The following LRCH1 variants were observed in gnomAD, a reference collection of about 807,000 sequenced individuals.
LRCH1 encodes leucine rich repeats and calponin homology domain containing 1.
A neutral mutation model predicts 94.9 loss-of-function variants in LRCH1; 23 were observed. The ratio of observed to expected loss-of-function variants is 0.24; its 90% CI spans 0.17 to 0.34. LRCH1 has a LOEUF of 0.34. Among genes scored for constraint, LRCH1 ranks in the 10% least tolerant of loss-of-function variants. LRCH1 has a pLI of 1.00. For synonymous variants in LRCH1, 364 were observed against 354.9 expected (o/e 1.03, Z -0.29); for missense variants, 790 against 945.9 (o/e 0.84, Z 2.16).
rs1249704261 is a variant in LRCH1, at chr13:46,744,342, CTATT to C, written c.*2497_*2500del. ...ATGTTAGATAAAAGGAGCCAAGTAT[CTATT>C]TACATTTTATTTTGAAATAGCCATT... On this transcript the variant is annotated 3_prime_UTR_variant, in exon 20 of 20. Transcript: ENST00000389797. 2 of 985,284 alleles carry C rather than the reference CTATT, an allele frequency of 2.0e-6. No homozygotes were observed. 61.0% of individuals were successfully genotyped at this position (985,284 alleles called of 1,614,324 possible).
At chr13:46,569,317 G>A (rs1193916263) in intron 1 of LRCH1, among the ~76,000 whole-genome samples, 1 of 152,116 alleles carries the variant, frequency 6.6e-6, no homozygotes, top group Non-Finnish European at 1.5e-5. Flanking sequence ...CCTAATAATA[G>A]GTATCATTTC....
chr13:46,646,855 G>A (rs968247821), intron 1 of LRCH1, among the ~76,000 whole-genome samples: 5 of 152,128 alleles, frequency 3.3e-5, no homozygotes, highest in Admixed American at 6.5e-5. Context: ...GCTCATGCCT[G>A]TAATCCCAGC....
chr13:46,579,138 A>G (rs2050337000), intron 1 of LRCH1, among the ~76,000 whole-genome samples: 1 of 152,164 alleles, frequency 6.6e-6, no homozygotes, highest in Non-Finnish European at 1.5e-5. Context: ...TTCCAAAGGA[A>G]TGCTTCTTTT....
rs1192583780 is a variant in LRCH1, at chr13:46,669,111, A to T, written c.534A>T (p.Gly178=). ...KVLIASNNKL[G]SLPEEIGQLK... is the part of the protein sequence containing the mutation. Reference sequence around the variant, plus strand: ...TAATCGCAAGTAACAACAAACTTGGATCATTACCAGAAGAGATAGGTCAGC... The same window carrying T: ...TAATCGCAAGTAACAACAAACTTGGTTCATTACCAGAAGAGATAGGTCAGC... The change falls in exon 3 of 20, where the codon GGA becomes GGT. Residue 178 remains glycine (G), a synonymous_variant. Transcript: ENST00000389797. The T allele has an allele frequency of 2.5e-6, 4 of 1,614,064 alleles. No individual in the cohort carries two copies. The African/African-American group carries it at 5.3e-5, about 22-fold the overall frequency.
intron 7 of LRCH1, among the ~76,000 whole-genome samples, chr13:46,692,300 AG>A (rs1029521805): frequency 4.2e-4 from 64 of 152,232 alleles, no homozygotes; most frequent in Admixed American, 9.2e-4. Flanking sequence ...GAACTTTACC[AG>A]CACCCCAGAA....
chr13:46,647,112 C>CAAAAAA (rs61648661), intron 1 of LRCH1, among the ~76,000 whole-genome samples: 2 of 84,462 alleles, frequency 2.4e-5, no homozygotes, highest in African/African-American at 4.6e-5. Flanking sequence ...GACTCCAACT[C>CAAAAAA]AAAAAAAAAA....
rs778646694 is a variant in LRCH1 at position 46,650,263 on chromosome 13, A to C, written c.370A>C (p.Ile124Leu). 10 of 1,612,714 alleles carry C rather than the reference A, an allele frequency of 6.2e-6. No homozygotes were observed. Among genetic ancestry groups the C allele is most frequent in the Non-Finnish European group, 7.6e-6 (9 of 1,179,208 alleles). ...ATTGTGCCATTTTGTATCACTGGAAATTCTTAATCTGTATCACAACTGTAT... is the reference window on the plus strand; with the variant it reads ...ATTGTGCCATTTTGTATCACTGGAACTTCTTAATCTGTATCACAACTGTAT... ...MELCHFVSLE[I>L]LNLYHNCIRV... Residue 124 changes from isoleucine to leucine, a missense_variant, in exon 2 of 20, where the codon ATT becomes CTT. By Grantham distance (5) the Ile-to-Leu change is conservative. Around this residue, in one of 3 missense-constraint regions of LRCH1, gnomAD observed 194 missense variants for 293.5 expected, o/e 0.66. Transcript: ENST00000389797.
At position 46,585,763 on chromosome 13, in the gene LRCH1, C is replaced by T. The variant is rs2050428661; in HGVS notation, c.307+32060C>T. Among the ~76,000 whole-genome samples, 2 of 151,846 alleles carry T rather than the reference C, an allele frequency of 1.3e-5. 1 individual carries two copies. The highest frequency in any genetic ancestry group is 4.2e-4 in the South Asian group (2 of 4,816). On this transcript the variant is annotated intron_variant, in intron 1 of 19. Transcript: ENST00000389797. ...GTTAAGAAAGAACGTTGTCATTCCC[C>T]CTGCCCACCCCCACCTTCCTCGGCT...
At chr13:46,640,703 A>T (rs1235424825) in intron 1 of LRCH1, among the ~76,000 whole-genome samples, 2 of 152,286 alleles carry the variant, frequency 1.3e-5, no homozygotes, top group African/African-American at 4.8e-5. Context: ...GGAAGGGAAG[A>T]GAGAAAATTC....
intron 4 of LRCH1, among the ~76,000 whole-genome samples, chr13:46,682,126 A>G (rs1388781089): frequency 6.6e-6 from 1 of 152,136 alleles, no homozygotes; most frequent in African/African-American, 2.4e-5. Context: ...TGGGGCTACT[A>G]TAACAAAGAA....
In LRCH1 at chr13:46,615,382, G is replaced by C. The variant is rs377024189; in HGVS notation, c.308-34819G>C. On this transcript the variant is annotated intron_variant, in intron 1 of 19. Coordinates refer to ENST00000389797, the MANE Select transcript of LRCH1 (RefSeq NM_001164211.2). ...CCAGCTCTTGTGTGAACTCAGAATA[G>C]GAACTCACTTGCTATGGCAAGGACA... Among the ~76,000 whole-genome samples, 9 of 152,242 alleles carry C rather than the reference G, an allele frequency of 5.9e-5. No individual in the cohort carries two copies. In the East Asian group the frequency reaches 1.4e-3, roughly 23 times the overall value.
intron 5 of LRCH1, among the ~76,000 whole-genome samples, chr13:46,687,600 G>A (rs1870688786): frequency 6.6e-6 from 1 of 152,040 alleles, no homozygotes; most frequent in African/African-American, 2.4e-5. Flanking sequence ...ATACATTTTT[G>A]TTAGAGTTTT....
At chr13:46,689,959 G>A (rs190246976) in intron 7 of LRCH1, among the ~76,000 whole-genome samples, 14 of 151,992 alleles carry the variant, frequency 9.2e-5, no homozygotes, top group Non-Finnish European at 2.9e-5. Context: ...TTTTTTTGAG[G>A]GAAGTTACTT....
intron 6 of LRCH1, among the ~76,000 whole-genome samples, 157 bp from the exon 7 acceptor site, chr13:46,688,976 A>C (rs946633837): frequency 6.6e-6 from 1 of 152,222 alleles, no homozygotes; most frequent in African/African-American, 2.4e-5. Context: ...TCCATGTCTT[A>C]ATATTCTTTA....
chr13:46,692,811 A>G (rs191270940), intron 8 of LRCH1, among the ~76,000 whole-genome samples, 170 bp downstream of exon 8: 1 of 152,282 alleles, frequency 6.6e-6, no homozygotes, highest in Non-Finnish European at 1.5e-5. Context: ...AAAGTCAAAG[A>G]TGGATACTCT....
chr13:46,571,055 C>G (rs2050235730), intron 1 of LRCH1, among the ~76,000 whole-genome samples: 1 of 152,190 alleles, frequency 6.6e-6, no homozygotes, highest in East Asian at 1.9e-4. Flanking sequence ...TTGCAGAGTG[C>G]TGAAATTCAC....
intron 1 of LRCH1, among the ~76,000 whole-genome samples, chr13:46,573,866 A>ATATATATATATATATATATTT: frequency 9.3e-4 from 59 of 63,346 alleles, no homozygotes; most frequent in Middle Eastern, 9.4e-3. Flanking sequence ...ATATATATAT[A>ATATATATATATATATATATTT]TTTTTTTTTT....
chr13:46,612,098 A>C (rs941460213), intron 1 of LRCH1, among the ~76,000 whole-genome samples: 5 of 152,250 alleles, frequency 3.3e-5, no homozygotes, highest in Non-Finnish European at 7.3e-5. Context: ...GAGTAGATGA[A>C]AATACTTAAA....
At chr13:46,668,737 G>A (rs1038352148) in intron 2 of LRCH1, among the ~76,000 whole-genome samples, 8 of 149,146 alleles carry the variant, frequency 5.4e-5, no homozygotes, top group African/African-American at 1.7e-4. Context: ...GCGGGGTGGC[G>A]GGGTGGCGGG....
Sources: allele counts gnomAD v4.1 joint callset (sites outside exome capture counted in the v4.1 genomes callset), GRCh38; gene constraint gnomAD v4.1.1; regional missense constraint gnomAD v4.1.1; transcripts MANE v1.5; gene names NCBI Gene and HGNC (gene_info 2026-07-23, HGNC 2026-07-21).